MALRD1: variants seen among roughly 807,000 people sequenced by gnomAD.
The protein encoded by MALRD1 is MAM and LDL receptor class A domain containing 1.
Under a neutral mutation model 242.1 loss-of-function variants are expected in MALRD1, and 247 were observed. The observed-to-expected ratio is 1.02, with a 90% confidence interval of 0.92 to 1.13. The LOEUF (loss-of-function observed/expected upper bound fraction) is 1.13. MALRD1 is among the 50% of genes most tolerant of loss of function. The probability of loss-of-function intolerance (pLI) is 0.00; values close to 1 mark genes in which losing one functional copy is unlikely to be tolerated. For synonymous variants in MALRD1, 995 were observed against 866.6 expected, an observed-to-expected ratio of 1.15 and a Z score of -2.60; for missense variants, 2,989 against 2,533.1, an observed-to-expected ratio of 1.18 and a Z score of -3.86.
At chr10:19,454,427 T>C (rs61043792) in intron 29 of MALRD1, among the ~76,000 whole-genome samples, 29,736 of 138,684 alleles carry the variant, frequency 0.21, 4,126 homozygotes, top group East Asian at 0.35. Context: ...TATATATATA[T>C]ATATAATTAT....
At chr10:19,074,518 T>C (rs1835257276) in intron 2 of MALRD1, among the ~76,000 whole-genome samples, 1 of 152,150 alleles carries the variant, frequency 6.6e-6, no homozygotes, top group African/African-American at 2.4e-5. Context: ...GTGTATTGGA[T>C]AATATATTTG....
intron 32 of MALRD1, among the ~76,000 whole-genome samples, chr10:19,551,247 C>T (rs758179494): frequency 2.0e-5 from 3 of 151,970 alleles, no homozygotes; most frequent in Non-Finnish European, 4.4e-5. Context: ...TTCCTCCCAT[C>T]GTCTCTGATA....
intron 36 of MALRD1, among the ~76,000 whole-genome samples, chr10:19,664,914 A>T (rs1195732762): frequency 2.6e-5 from 4 of 152,050 alleles, no homozygotes; most frequent in Admixed American, 6.6e-5. Context: ...TTAATCATTC[A>T]CCTATCATCA....
intron 32 of MALRD1, among the ~76,000 whole-genome samples, chr10:19,543,333 A>T (rs1835062736): frequency 6.6e-6 from 1 of 150,694 alleles, no homozygotes; most frequent in South Asian, 2.1e-4. Context: ...GTGCAATCAC[A>T]GCTCACTGCA....
At chr10:19,095,796 A>G (rs1469422494) in intron 4 of MALRD1, among the ~76,000 whole-genome samples, 2 of 152,172 alleles carry the variant, frequency 1.3e-5, no homozygotes, top group African/African-American at 2.4e-5. Flanking sequence ...TAAACTTCTC[A>G]ATTCCCTGTG....
chr10:19,461,686 A>AG (rs397691524), intron 29 of MALRD1, among the ~76,000 whole-genome samples: 5 of 150,718 alleles, frequency 3.3e-5, no homozygotes, highest in African/African-American at 1.2e-4. Context: ...TCTACAAAAA[A>AG]TTTTAAAAAT....
intron 4 of MALRD1, among the ~76,000 whole-genome samples, chr10:19,099,440 C>G (rs892595034): frequency 6.6e-6 from 1 of 152,080 alleles, no homozygotes; most frequent in Non-Finnish European, 1.5e-5. Flanking sequence ...ATTCAGAGGT[C>G]ATCTATCTTC....
chr10:19,146,288 T>G lies in MALRD1; in HGVS notation c.1502T>G (p.Leu501Trp). Residue 501 changes from leucine to tryptophan, a missense_variant, in exon 11 of 40, where the codon TTG (leucine) becomes TGG (tryptophan). By Grantham distance (61) the Leu-to-Trp change is moderately conservative (BLOSUM62 -2). Coordinates refer to ENST00000454679, the MANE Select transcript of MALRD1 (RefSeq NM_001142308.3). ...EDSHWKLMKG[L>W]NNGEHHFPAA... ...TCACACTGGAAGCTGATGAAAGGATTGAATAATGGAGAGCACCACTTTCCT... is the reference window on the plus strand; with the variant it reads ...TCACACTGGAAGCTGATGAAAGGATGGAATAATGGAGAGCACCACTTTCCT... The G allele has an allele frequency of 8.1e-7, 1 of 1,231,664 alleles. No individual in the cohort carries two copies. Among genetic ancestry groups the G allele is most frequent in the East Asian group, 3.2e-5 (1 of 31,694 alleles). The allele number at this position is 1,231,664 out of a possible 1,614,324, so 76.3% of individuals were successfully genotyped here.
chr10:19,586,048 A>G (rs1220061088), intron 33 of MALRD1, among the ~76,000 whole-genome samples: 2 of 151,968 alleles, frequency 1.3e-5, no homozygotes, highest in Non-Finnish European at 2.9e-5. Context: ...TTCTTCACGT[A>G]GTTTTCGAGC....
At chr10:19,523,258 A>G (rs1833957908) in intron 31 of MALRD1, among the ~76,000 whole-genome samples, 1 of 152,174 alleles carries the variant, frequency 6.6e-6, no homozygotes, top group Admixed American at 6.6e-5. Flanking sequence ...TAACCAGTGG[A>G]CAATCCTGCC....
At chr10:19,097,275 T>C (rs1026219308) in intron 4 of MALRD1, among the ~76,000 whole-genome samples, 1 of 152,192 alleles carries the variant, frequency 6.6e-6, no homozygotes, top group Non-Finnish European at 1.5e-5. Context: ...TCTCAATTAC[T>C]GAGTCACTGA....
At chr10:19,490,806 C>T (rs1373511209) in intron 29 of MALRD1, among the ~76,000 whole-genome samples, 1 of 151,914 alleles carries the variant, frequency 6.6e-6, no homozygotes, top group Non-Finnish European at 1.5e-5. Context: ...TTTTTTTATA[C>T]GAGGATGAGT....
intron 2 of MALRD1, among the ~76,000 whole-genome samples, chr10:19,084,954 G>A (rs1213008232): frequency 1.3e-5 from 2 of 151,978 alleles, no homozygotes; most frequent in Non-Finnish European, 2.9e-5. Context: ...ATGAATGCAG[G>A]CACAACGTGG....
chr10:19,067,028 A>G lies in MALRD1; in HGVS notation c.340+169A>G, dbSNP rs1835002311. ...TTACATATTTGTAGTTAAAATGTCTAATTTTATGCATTCTTTAACCAGTTT... is the reference window on the plus strand; with the variant it reads ...TTACATATTTGTAGTTAAAATGTCTGATTTTATGCATTCTTTAACCAGTTT... On this transcript the variant is annotated intron_variant, in intron 2 of 39. Transcript: ENST00000454679. Among the ~76,000 whole-genome samples, 7 of 152,138 alleles carry G rather than the reference A, an allele frequency of 4.6e-5. No individual in the cohort carries two copies. The South Asian group carries it at 1.4e-3, about 31-fold the overall frequency.
Position 19,133,875 on chromosome 10 carries a change from C to T in MALRD1, c.1130C>T (p.Thr377Ile), listed in dbSNP as rs1484495121. ...TCAAAGGAAGAAGAAATATTTTGGA[C>T]ATACAACATATCAACTCACAGCCAA... is the stretch of plus-strand genomic sequence containing the variant. Reference protein sequence around the residue: ...YNNKEEEIFWTYNISTHSQWV... With the variant: ...YNNKEEEIFWIYNISTHSQWV... The change falls in exon 9 of 40, where the codon ACA (threonine) becomes ATA (isoleucine). Residue 377 changes from threonine (T) to isoleucine (I), a missense_variant. Coordinates refer to ENST00000454679, the MANE Select transcript of MALRD1 (RefSeq NM_001142308.3). 2.4e-6 allele frequency: 3 copies of T among 1,228,850 alleles called. No homozygotes were observed. The highest frequency in any genetic ancestry group is 4.1e-5 in the South Asian group (1 of 24,270). The allele number at this position is 1,228,850 out of a possible 1,614,324, so 76.1% of individuals were successfully genotyped here.
At chr10:19,645,461 A>C (rs1324948505) in intron 36 of MALRD1, among the ~76,000 whole-genome samples, 2 of 152,222 alleles carry the variant, frequency 1.3e-5, no homozygotes, top group Non-Finnish European at 2.9e-5. Context: ...CACAATAGCA[A>C]AGACTTGGAA....
chr10:19,701,141 C>A (rs1478521821), intron 38 of MALRD1, among the ~76,000 whole-genome samples: 3 of 151,866 alleles, frequency 2.0e-5, no homozygotes, highest in Non-Finnish European at 4.4e-5. Flanking sequence ...AAAGCAAGAC[C>A]CTGTCTCTCT....
At chr10:19,357,135 A>G (rs1844675536) in intron 26 of MALRD1, among the ~76,000 whole-genome samples, 1 of 151,936 alleles carries the variant, frequency 6.6e-6, no homozygotes, top group Non-Finnish European at 1.5e-5. Flanking sequence ...AAACAAAACA[A>G]AAAATGCACC....
intron 21 of MALRD1, among the ~76,000 whole-genome samples, chr10:19,304,166 G>A (rs1842068788): frequency 6.6e-6 from 1 of 151,712 alleles, no homozygotes; most frequent in Non-Finnish European, 1.5e-5. Context: ...ACAGCGGGAA[G>A]GTGAATTTGG....
Sources: allele counts gnomAD v4.1 joint callset (sites outside exome capture counted in the v4.1 genomes callset), GRCh38; gene constraint gnomAD v4.1.1; transcripts MANE v1.5; gene names NCBI Gene and HGNC (gene_info 2026-07-23, HGNC 2026-07-21).